The following UST variants were observed in gnomAD, a reference collection of about 807,000 sequenced individuals.
The protein encoded by UST is chondroitin sulfate 2-O-sulfotransferase.
In UST, 21 loss-of-function variants were observed where a neutral mutation model predicts 45.6. That is an observed-to-expected ratio of 0.46 (90% CI 0.33 to 0.66). UST has a LOEUF of 0.66. UST is among the 30% of genes least tolerant of loss of function. UST has a pLI of 0.02. For synonymous variants in UST, 215 were observed against 200.6 expected, an observed-to-expected ratio of 1.07 and a Z score of -0.61; for missense variants, 463 against 512.4, an observed-to-expected ratio of 0.90 and a Z score of 0.93.
At chr6:148,885,237 A>G (rs1223470026) in intron 1 of UST, among the ~76,000 whole-genome samples, 1 of 152,130 alleles carries the variant, frequency 6.6e-6, no homozygotes, top group African/African-American at 2.4e-5. Flanking sequence ...ATTCCTGGAG[A>G]ACATGCTGGT....
At chr6:148,995,225 A>G (rs1781431250) in intron 5 of UST, among the ~76,000 whole-genome samples, 1 of 152,126 alleles carries the variant, frequency 6.6e-6, no homozygotes, top group Non-Finnish European at 1.5e-5. Flanking sequence ...GGGTTTTGCC[A>G]TTGGCCAGGC....
chr6:148,884,541 C>T lies in UST; in HGVS notation c.248-2445C>T, dbSNP rs114772491. Among the ~76,000 whole-genome samples the T allele has an allele frequency of 6.4e-3, 968 of 152,190 alleles. 8 individuals are homozygous for T. Among genetic ancestry groups the T allele is most frequent in the African/African-American group, 0.022 (920 of 41,510 alleles). ...CAAAAGGCCCCTCATTGACAAGAGG[C>T]TGGAGTGCTCTGAACCACAGAGAAG... On this transcript the variant is annotated intron_variant, in intron 1 of 7. Coordinates refer to ENST00000367463, the MANE Select transcript of UST (RefSeq NM_005715.3).
At chr6:148,769,729 T>C (rs1198184112) in intron 1 of UST, among the ~76,000 whole-genome samples, 1 of 150,784 alleles carries the variant, frequency 6.6e-6, no homozygotes, top group Admixed American at 6.6e-5. Context: ...GATGGGAGTA[T>C]AGGAATGTAG....
intron 5 of UST, among the ~76,000 whole-genome samples, chr6:148,969,418 A>G (rs1196058730): frequency 6.6e-6 from 1 of 152,152 alleles, no homozygotes; most frequent in African/African-American, 2.4e-5. Flanking sequence ...GATAAGGTGT[A>G]TTTATATTCC....
intron 1 of UST, among the ~76,000 whole-genome samples, chr6:148,853,097 C>T (rs1778136540): frequency 6.6e-6 from 1 of 152,104 alleles, no homozygotes; most frequent in Non-Finnish European, 1.5e-5. Flanking sequence ...AGCTATTTTT[C>T]CTGATGCTCT....
intron 5 of UST, among the ~76,000 whole-genome samples, chr6:148,993,513 G>A (rs1314335731): frequency 6.6e-6 from 1 of 152,180 alleles, no homozygotes; most frequent in Non-Finnish European, 1.5e-5. Context: ...AGAATTTAGA[G>A]ACTTGTGTGA....
At chr6:149,036,060 T>C (rs939132212) in intron 7 of UST, among the ~76,000 whole-genome samples, 1 of 152,208 alleles carries the variant, frequency 6.6e-6, no homozygotes, top group Non-Finnish European at 1.5e-5. Flanking sequence ...ATGCACCAGT[T>C]TCCCCAGTGC....
intron 2 of UST, among the ~76,000 whole-genome samples, chr6:148,921,722 G>T (rs1260238297): frequency 2.0e-5 from 3 of 152,140 alleles, no homozygotes; most frequent in African/African-American, 7.2e-5. Flanking sequence ...GCATCCTTGT[G>T]GGTTATGGAA....
At position 148,998,411 on chromosome 6, in the gene UST, T is replaced by C. The variant is rs76230163; in HGVS notation, c.682-20728T>C. On this transcript the variant is annotated intron_variant, in intron 5 of 7. Transcript: ENST00000367463. ...TTGTCTCCACCTCATAATTCAACTT[T>C]TCACCAAAATCTGCCGTATTCCTTC... 7.7e-4 allele frequency among the ~76,000 whole-genome samples: 118 copies of C among 152,342 alleles called. 1 individual carries two copies. Among genetic ancestry groups the C allele is most frequent in the African/African-American group, 2.7e-3 (114 of 41,580 alleles).
At chr6:149,043,019 CTTTT>C (rs1361672569) in intron 7 of UST, among the ~76,000 whole-genome samples, 85 of 103,476 alleles carry the variant, frequency 8.2e-4, no homozygotes, top group East Asian at 6.6e-3. Flanking sequence ...TTCTTTCTTT[CTTTT>C]TCTTTCTTTC....
chr6:149,033,223 G>A (rs1315205440), intron 7 of UST, among the ~76,000 whole-genome samples: 1 of 152,210 alleles, frequency 6.6e-6, no homozygotes, highest in Non-Finnish European at 1.5e-5. Flanking sequence ...TTTCAAAACT[G>A]TCTTTGGGCC....
At chr6:148,764,904 G>C (rs549123973) in intron 1 of UST, among the ~76,000 whole-genome samples, 124 of 152,254 alleles carry the variant, frequency 8.1e-4, no homozygotes, top group African/African-American at 3.0e-3. Flanking sequence ...GCAAGCCTGG[G>C]GGTGCTGCAG....
chr6:149,057,793 A>G (rs1051180870), intron 7 of UST, among the ~76,000 whole-genome samples: 12 of 152,232 alleles, frequency 7.9e-5, no homozygotes, highest in South Asian at 2.1e-4. Context: ...TATAGCACAG[A>G]TGTGTTTTAC....
intron 2 of UST, among the ~76,000 whole-genome samples, chr6:148,906,923 C>G (rs1047796969): frequency 6.6e-6 from 1 of 152,096 alleles, no homozygotes; most frequent in Non-Finnish European, 1.5e-5. Flanking sequence ...AGGAAGGGTT[C>G]TAGGAGTCAC....
intron 5 of UST, 105 bp downstream of exon 5, chr6:148,964,668 T>G: frequency 2.8e-6 from 4 of 1,437,344 alleles, no homozygotes; most frequent in Non-Finnish European, 3.8e-6. Context: ...CCTTGGCGCC[T>G]CCATGGAGCG....
chr6:148,899,554 C>T (rs1779208476), intron 2 of UST, among the ~76,000 whole-genome samples: 2 of 152,310 alleles, frequency 1.3e-5, no homozygotes, highest in Admixed American at 1.3e-4. Flanking sequence ...GCAAGGGCAA[C>T]TAAAATGAAC....
At chr6:149,033,693 C>G (rs932418032) in intron 7 of UST, among the ~76,000 whole-genome samples, 1 of 152,170 alleles carries the variant, frequency 6.6e-6, no homozygotes, top group Non-Finnish European at 1.5e-5. Context: ...CCCCGCCCCT[C>G]GTCTTTACCA....
intron 5 of UST, among the ~76,000 whole-genome samples, chr6:148,984,402 T>C (rs2114984511): frequency 6.6e-6 from 1 of 152,284 alleles, no homozygotes; most frequent in South Asian, 2.1e-4. Context: ...ATATGAAAGC[T>C]GGAGAGGTGG....
At chr6:148,837,291 A>G (rs1777804383) in intron 1 of UST, among the ~76,000 whole-genome samples, 1 of 152,242 alleles carries the variant, frequency 6.6e-6, no homozygotes, top group Middle Eastern at 3.4e-3. Flanking sequence ...ATCCCCCTCA[A>G]TCCATATCCT....
Sources: gnomAD v4.1 joint callset for allele counts (sites outside exome capture counted in the v4.1 genomes callset) on GRCh38, gnomAD v4.1.1 for gene constraint, MANE v1.5 for transcripts, NCBI Gene and HGNC (gene_info 2026-07-23, HGNC 2026-07-21) for gene names.